IARS1: variants seen among roughly 807,000 people sequenced by gnomAD.
IARS1 encodes isoleucine--tRNA ligase, cytoplasmic.
A neutral mutation model predicts 168.2 loss-of-function variants in IARS1; 124 were observed. The observed-to-expected ratio is 0.74, with a 90% CI of 0.64 to 0.86. The LOEUF is 0.86. IARS1 is among the 40% of genes least tolerant of loss of function. IARS1 has a pLI of 0.00. For synonymous variants in IARS1, 532 were observed against 529.4 expected (o/e 1.00, Z -0.07); for missense variants, 1,452 against 1,515.8 (o/e 0.96, Z 0.70).
intron 30 of IARS1, 54 bp downstream of exon 30, chr9:92,240,802 C>T: frequency 9.5e-7 from 1 of 1,055,206 alleles, no homozygotes; most frequent in East Asian, 2.4e-5. Context: ...TGTTTTTTCA[C>T]ATCCATAAGT....
Position 92,240,907 on chromosome 9 carries a change from G to C in IARS1, c.3232C>G (p.Pro1078Ala). 6.2e-7 allele frequency: 1 copy of C among 1,613,534 alleles called. No homozygotes were observed. The highest frequency in any genetic ancestry group is 8.5e-7 in the Non-Finnish European group (1 of 1,179,568). The change falls in exon 30 of 34, where the codon CCT (proline) becomes GCT (alanine). Residue 1078 changes from proline to alanine, a missense_variant. Transcript: ENST00000443024. ...TLTRGSSLPG[P>A]ACAYVNLNIC... ...TTAAGATTGACATATGCACAAGCAG[G>C]ACCAGGAAGGGAAGATCCTCTGGTG...
Position 92,222,558 on chromosome 9 carries a change from C to T in IARS1, c.3668G>A (p.Arg1223Lys), listed in dbSNP as rs768914088. 2 of 1,614,080 alleles carry T rather than the reference C, an allele frequency of 1.2e-6. No individual in the cohort carries two copies. The highest frequency in any genetic ancestry group is 4.5e-5 in the East Asian group (2 of 44,870). The change falls in exon 33 of 34, where the codon AGG becomes AAG. Residue 1223 changes from arginine (R) to lysine (K), a missense_variant. Physicochemically the swap from Arg to Lys is conservative, Grantham distance 26 (BLOSUM62 2). Transcript: ENST00000443024. ...CTCATTCAGAAACAGCTTTAGCTTCCTGCTCCGAAGGCCAAACACCTTGGC... is the reference window on the plus strand; with the variant it reads ...CTCATTCAGAAACAGCTTTAGCTTCTTGCTCCGAAGGCCAAACACCTTGGC... ...EAAKVFGLRS[R>K]KLKLFLNETQ...
Position 92,288,220 on chromosome 9 carries a change from G to C in IARS1, c.182C>G (p.Ala61Gly), listed in dbSNP as rs776904169. 4 of 1,613,722 alleles carry C rather than the reference G, an allele frequency of 2.5e-6. No homozygotes were observed. Among genetic ancestry groups the C allele is most frequent in the East Asian group, 4.5e-5 (2 of 44,858 alleles). ...TGLPHYGHILAGTIKDIVTRY... is the reference protein window; with the variant it reads ...TGLPHYGHILGGTIKDIVTRY... ...TGTAACTATATCTTTAATTGTACCC[G>C]CAAGTATATGTCCATAGTGAGGCAG... is the stretch of plus-strand genomic sequence containing the variant. Residue 61 changes from alanine (A) to glycine (G), a missense_variant, in exon 3 of 34, where the codon GCG (alanine) becomes GGG (glycine). Physicochemically the swap from Ala to Gly is moderately conservative, Grantham distance 60. Coordinates refer to ENST00000443024, the MANE Select transcript of IARS1 (RefSeq NM_002161.6).
In IARS1 at chr9:92,245,023, A is replaced by C. The variant is rs980395124; in HGVS notation, c.2840T>G (p.Leu947Arg). ...TGTGGCCTGATCAAAGGTGTACATG[A>C]GGCGGATGTCTTCATCGTGCAATTC... ...GHELHDEDIRLMYTFDQATGG... is the reference protein window; with the variant it reads ...GHELHDEDIRRMYTFDQATGG... Residue 947 changes from leucine (L) to arginine (R), a missense_variant, in exon 27 of 34, where the codon CTC (leucine) becomes CGC (arginine). Physicochemically the swap from Leu to Arg is moderately radical, Grantham distance 102. Coordinates refer to ENST00000443024, the MANE Select transcript of IARS1 (RefSeq NM_002161.6). The C allele has an allele frequency of 6.2e-7, 1 of 1,614,112 alleles. No homozygotes were observed. The highest frequency in any genetic ancestry group is 1.3e-5 in the African/African-American group (1 of 74,940).
intron 15 of IARS1, among the ~76,000 whole-genome samples, 159 bp from the exon 16 acceptor site, chr9:92,265,282 C>T (rs1832125637): frequency 6.6e-6 from 1 of 152,202 alleles, no homozygotes; most frequent in Non-Finnish European, 1.5e-5. Context: ...CACCATGAAT[C>T]CTCCATCTGA....
chr9:92,253,584 C>G, intron 20 of IARS1, 131 bp from the exon 21 acceptor site: 1 of 646,054 alleles, frequency 1.5e-6, no homozygotes, highest in East Asian at 2.6e-5. Context: ...GAGAAAAGAA[C>G]CAAAATGAAT....
intron 33 of IARS1, among the ~76,000 whole-genome samples, chr9:92,221,511 G>C (rs1215492760): frequency 6.6e-6 from 1 of 152,214 alleles, no homozygotes; most frequent in Non-Finnish European, 1.5e-5. Flanking sequence ...TGCAGTGGCA[G>C]CAATATTAAA....
At chr9:92,254,831 G>A (rs1000367911) in intron 20 of IARS1, among the ~76,000 whole-genome samples, 1 of 152,162 alleles carries the variant, frequency 6.6e-6, no homozygotes, top group Non-Finnish European at 1.5e-5. Context: ...AGGACATGAA[G>A]CTGACAGGCC....
chr9:92,259,018 TAGAC>T lies in IARS1; in HGVS notation c.1872-24_1872-21del. The T allele has an allele frequency of 1.3e-6, 2 of 1,582,070 alleles. No homozygotes were observed. The highest frequency in any genetic ancestry group is 1.4e-5 in the African/African-American group (1 of 73,560). ...TATAATCTGGAAGAGGGAGAAAAAT[TAGAC>T]AGAAAAGGTACTTAGACAGTAAACC... On this transcript the variant is annotated intron_variant, in intron 18 of 33. Transcript: ENST00000443024.
chr9:92,218,359 T>G (rs1159997910), intron 33 of IARS1, among the ~76,000 whole-genome samples: 2 of 138,480 alleles, frequency 1.4e-5, no homozygotes, highest in African/African-American at 5.7e-5. Flanking sequence ...CTTGGAAAAC[T>G]GGCACAAGAC....
intron 3 of IARS1, 104 bp from the exon 4 acceptor site, chr9:92,288,014 T>C: frequency 1.3e-6 from 2 of 1,532,422 alleles, no homozygotes; most frequent in Non-Finnish European, 1.8e-6. Flanking sequence ...ATTATAGAAA[T>C]GAACTAGAAG....
intron 12 of IARS1, 40 bp from the exon 13 acceptor site, chr9:92,270,023 G>T: frequency 1.6e-6 from 2 of 1,283,248 alleles, no homozygotes; most frequent in Non-Finnish European, 1.1e-6. Flanking sequence ...CTCAGGCTGA[G>T]ACTAGTAGGC....
chr9:92,243,394 T>G, intron 27 of IARS1, 83 bp from the exon 28 acceptor site: 5 of 898,740 alleles, frequency 5.6e-6, no homozygotes, highest in Non-Finnish European at 9.0e-6. Flanking sequence ...TATTTAAATC[T>G]GGAGAGTCTA....
intron 22 of IARS1, 150 bp from the exon 23 acceptor site, chr9:92,250,984 A>AG: frequency 1.3e-6 from 1 of 779,880 alleles, no homozygotes; most frequent in Non-Finnish European, 2.1e-6. Context: ...CCTGTGAATG[A>AG]GAAATGGCCT....
chr9:92,248,903 T>G (rs1327376140), intron 25 of IARS1, among the ~76,000 whole-genome samples: 1 of 152,174 alleles, frequency 6.6e-6, no homozygotes, highest in Admixed American at 6.5e-5. Context: ...AACATATGCG[T>G]TTTTAAAACA....
At chr9:92,228,294 T>A (rs1166340507) in intron 31 of IARS1, among the ~76,000 whole-genome samples, 4 of 152,226 alleles carry the variant, frequency 2.6e-5, no homozygotes, top group African/African-American at 9.6e-5. Flanking sequence ...AATCTTTTTT[T>A]TTTCAGAGGT....
intron 20 of IARS1, among the ~76,000 whole-genome samples, chr9:92,255,005 C>G (rs183926579): frequency 6.6e-6 from 1 of 152,188 alleles, no homozygotes; most frequent in Admixed American, 6.5e-5. Flanking sequence ...ACAATCCCCA[C>G]GTTTCCCACC....
At chr9:92,253,257 G>T (rs972836340) in intron 21 of IARS1, 105 bp downstream of exon 21, 2 of 725,662 alleles carry the variant, frequency 2.8e-6, no homozygotes, top group East Asian at 2.5e-5. Flanking sequence ...CTTCAAAAAC[G>T]GAGAGCAACT....
chr9:92,257,240 C>T (rs1032425922), intron 19 of IARS1, among the ~76,000 whole-genome samples: 2 of 152,216 alleles, frequency 1.3e-5, no homozygotes, highest in African/African-American at 2.4e-5. Context: ...TTCTATCCCA[C>T]TCTTTTTGCT....
Sources: gnomAD v4.1 joint callset for allele counts (sites outside exome capture counted in the v4.1 genomes callset) on GRCh38, gnomAD v4.1.1 for gene constraint, MANE v1.5 for transcripts, NCBI Gene and HGNC (gene_info 2026-07-23, HGNC 2026-07-21) for gene names.